NIPAL1: variants seen among roughly 807,000 people sequenced by gnomAD.
NIPAL1 encodes the protein magnesium transporter NIPA3.
NIPAL1 carries 35 observed loss-of-function variants against 37.7 expected under a neutral mutation model. The observed-to-expected ratio is 0.93, with a 90% confidence interval of 0.71 to 1.23. The LOEUF (loss-of-function observed/expected upper bound fraction) is 1.23, where lower values mean the gene tolerates loss of function less well. NIPAL1 is among the 50% of genes most tolerant of loss of function. The pLI is 0.00. For missense variants in NIPAL1, 412 were observed against 473.9 expected, an observed-to-expected ratio of 0.87 and a Z score of 1.21; for synonymous variants, 162 against 183.0, an observed-to-expected ratio of 0.89 and a Z score of 0.93.
At position 48,025,242 on chromosome 4, in the gene NIPAL1, T is replaced by C; in HGVS notation, c.221T>C (p.Leu74Pro). 1 of 1,614,174 alleles carries C rather than the reference T, an allele frequency of 6.2e-7. No homozygotes were observed. ...NKYSLYVGLV[L>P]AVSSSIFIGS... is the part of the protein sequence containing the mutation. ...TACAGTCTTTATGTGGGCTTGGTAC[T>C]GGCAGTAAGCTCAAGTATTTTTATT... Residue 74 changes from leucine (L) to proline (P), a missense_variant, in exon 2 of 6, where the codon CTG (leucine) becomes CCG (proline). By Grantham distance (98) the Leu-to-Pro change is moderately conservative. Coordinates refer to ENST00000295461, the MANE Select transcript of NIPAL1 (RefSeq NM_207330.3).
At position 48,035,783 on chromosome 4, in the gene NIPAL1, G is replaced by C; in HGVS notation, c.844G>C (p.Val282Leu). ...KHPLVFVLLA[V>L]LVLSVTTQIN... Reference sequence around the variant, plus strand: ...TCCGCTGGTCTTTGTTTTGCTGGCTGTACTTGTGCTTTCAGTAACTACACA... The same window carrying C: ...TCCGCTGGTCTTTGTTTTGCTGGCTCTACTTGTGCTTTCAGTAACTACACA... Residue 282 changes from valine (V) to leucine (L), a missense_variant, in exon 6 of 6, where the codon GTA becomes CTA. Transcript: ENST00000295461. The C allele has an allele frequency of 6.2e-7, 1 of 1,614,186 alleles. No individual in the cohort carries two copies. Among genetic ancestry groups the C allele is most frequent in the Non-Finnish European group, 8.5e-7 (1 of 1,180,018 alleles).
intron 3 of NIPAL1, among the ~76,000 whole-genome samples, chr4:48,032,472 G>A (rs558891119): frequency 2.6e-5 from 4 of 152,290 alleles, no homozygotes; most frequent in African/African-American, 7.2e-5. Context: ...CTGAGATACT[G>A]TTACTTGCTT....
rs1203882621 is a variant in NIPAL1 at position 48,035,930 on chromosome 4, G to A, written c.991G>A (p.Gly331Ser). 1.2e-6 allele frequency: 2 copies of A among 1,613,852 alleles called. No homozygotes were observed. The highest frequency in any genetic ancestry group is 8.5e-7 in the Non-Finnish European group (1 of 1,179,900). The change falls in exon 6 of 6, where the codon GGC becomes AGC. Residue 331 changes from glycine to serine, a missense_variant. Gly to Ser is a moderately conservative substitution (Grantham distance 56, BLOSUM62 0). Transcript: ENST00000295461. ...CSAILFQEWY[G>S]MTAGDIIGTL... ...TGCCATCTTATTCCAAGAGTGGTAT[G>A]GCATGACAGCTGGAGATATCATTGG...
intron 2 of NIPAL1, among the ~76,000 whole-genome samples, chr4:48,029,133 CT>C (rs1419531689): frequency 6.6e-5 from 10 of 152,294 alleles, no homozygotes; most frequent in Non-Finnish European, 1.3e-4. Context: ...GATCACACCA[CT>C]ATTCACAACA....
At chr4:48,035,089 C>T in intron 5 of NIPAL1, 48 bp downstream of exon 5, 1 of 1,448,300 alleles carries the variant, frequency 6.9e-7, no homozygotes, top group Non-Finnish European at 9.7e-7. Context: ...TCCACTTTCT[C>T]TCCTCACCAA....
intron 1 of NIPAL1, among the ~76,000 whole-genome samples, chr4:48,022,231 G>A (rs1197526926): frequency 1.3e-5 from 2 of 151,944 alleles, no homozygotes; most frequent in Non-Finnish European, 2.9e-5. Context: ...CCCTTCTCCC[G>A]TAGGCCACTC....
rs745305773 is a variant in NIPAL1, at chr4:48,034,878, C to T, written c.462-3C>T. Reference sequence around the variant, plus strand: ...TGATTTTTAATTTTTTCTCTCCCAACAGTGCAATATTATCTTCCTACTTTT... The same window carrying T: ...TGATTTTTAATTTTTTCTCTCCCAATAGTGCAATATTATCTTCCTACTTTT... On this transcript the variant is annotated splice_polypyrimidine_tract_variant and splice_region_variant and intron_variant, in intron 4 of 5. Transcript: ENST00000295461. The T allele has an allele frequency of 6.2e-7, 1 of 1,609,202 alleles. No homozygotes were observed. The highest frequency in any genetic ancestry group is 8.5e-7 in the Non-Finnish European group (1 of 1,176,724).
At chr4:48,035,186 T>A in intron 5 of NIPAL1, 145 bp downstream of exon 5, 4 of 718,864 alleles carry the variant, frequency 5.6e-6, no homozygotes, top group Non-Finnish European at 9.3e-6. Context: ...TGATTATTAT[T>A]TCTCCTGAAA....
rs1226878528 is a variant in NIPAL1 at position 48,034,979 on chromosome 4, A to G, written c.560A>G (p.His187Arg). The G allele has an allele frequency of 1.9e-6, 3 of 1,613,566 alleles. No homozygotes were observed. Among genetic ancestry groups the G allele is most frequent in the Non-Finnish European group, 2.5e-6 (3 of 1,179,560 alleles). ...TTGGGGTCAACTGTGATGGTTATCCATGCCCCACAAGAAGAGGAAGTCACA... is the reference window on the plus strand; with the variant it reads ...TTGGGGTCAACTGTGATGGTTATCCGTGCCCCACAAGAAGAGGAAGTCACA... The part of the protein sequence containing the change: ...SILGSTVMVI[H>R]APQEEEVTSL... The change falls in exon 5 of 6, where the codon CAT becomes CGT. Residue 187 changes from histidine (H) to arginine (R), a missense_variant. Physicochemically the swap from His to Arg is conservative, Grantham distance 29. Transcript: ENST00000295461.
intron 1 of NIPAL1, 52 bp from the exon 2 acceptor site, chr4:48,025,016 A>C: frequency 7.7e-5 from 119 of 1,536,374 alleles, no homozygotes; most frequent in Non-Finnish European, 1.0e-4. Context: ...GCCGGTAAGC[A>C]TTAATACCTC....
chr4:48,024,799 G>T lies in NIPAL1; in HGVS notation c.47-269G>T, dbSNP rs78685519. Among the ~76,000 whole-genome samples, 16,997 of 148,696 alleles carry T rather than the reference G, an allele frequency of 0.11. 1,274 individuals carry two copies. Among genetic ancestry groups the T allele is most frequent in the South Asian group, 0.28 (1,300 of 4,726 alleles). On this transcript the variant is annotated intron_variant, in intron 1 of 5. Transcript: ENST00000295461. ...CAGAACAAAGACATAAGTGTTCCCA[G>T]ATCGAATTTATAGGGGGAATCCAGG...
chr4:48,019,531 T>C (rs1315687745), intron 1 of NIPAL1, among the ~76,000 whole-genome samples: 1 of 152,158 alleles, frequency 6.6e-6, no homozygotes, highest in South Asian at 2.1e-4. Flanking sequence ...TGCTTAGTCC[T>C]CTCACTCAGA....
chr4:48,017,557 G>A (rs1342876393), intron 1 of NIPAL1, among the ~76,000 whole-genome samples: 1 of 152,218 alleles, frequency 6.6e-6, no homozygotes, highest in African/African-American at 2.4e-5. Flanking sequence ...TCGTTTGCAG[G>A]CTCTTCTTAC....
chr4:48,024,299 G>C (rs997794485), intron 1 of NIPAL1, among the ~76,000 whole-genome samples: 1 of 151,226 alleles, frequency 6.6e-6, no homozygotes, highest in Non-Finnish European at 1.5e-5. Context: ...TTTCTTTTTC[G>C]AGACAGGGTC....
At chr4:48,031,479 T>C (rs1228156117) in intron 3 of NIPAL1, among the ~76,000 whole-genome samples, 1 of 152,198 alleles carries the variant, frequency 6.6e-6, no homozygotes, top group Non-Finnish European at 1.5e-5. Context: ...TCTGTCTTAC[T>C]TGCATCTCCC....
chr4:48,039,849 T>A lies in NIPAL1; in HGVS notation c.*3677T>A, dbSNP rs1303959051. 1 of 152,242 alleles carries A rather than the reference T, an allele frequency of 6.6e-6. No homozygotes were observed. The highest frequency in any genetic ancestry group is 1.5e-5 in the Non-Finnish European group (1 of 68,036). 9.4% of individuals were successfully genotyped at this position (152,242 alleles called of 1,614,324 possible). A position where few individuals can be genotyped will look rare whatever the true frequency, so the allele number is the denominator to read the frequency against. ...TTGAGTGCCTATTTTTATACATTCA[T>A]CTTTTCTCAATTTGTCACATTATCT... On this transcript the variant is annotated 3_prime_UTR_variant, in exon 6 of 6. Coordinates refer to ENST00000295461, the MANE Select transcript of NIPAL1 (RefSeq NM_207330.3).
intron 1 of NIPAL1, among the ~76,000 whole-genome samples, chr4:48,020,004 A>G (rs1053973994): frequency 6.6e-6 from 1 of 152,182 alleles, no homozygotes; most frequent in African/African-American, 2.4e-5. Flanking sequence ...ACTACTTGCT[A>G]TGGCACTCTT....
Position 48,036,081 on chromosome 4 carries a change from A to G in NIPAL1, c.1142A>G (p.Asn381Ser), listed in dbSNP as rs73149642. 570 of 1,609,904 alleles carry G rather than the reference A, an allele frequency of 3.5e-4. No individual in the cohort carries two copies. The highest frequency in any genetic ancestry group is 1.4e-3 in the African/African-American group (105 of 74,578). The change falls in exon 6 of 6, where the codon AAT (asparagine) becomes AGT (serine). Residue 381 changes from asparagine to serine, a missense_variant. Asn to Ser is a conservative substitution (Grantham distance 46). Coordinates refer to ENST00000295461, the MANE Select transcript of NIPAL1 (RefSeq NM_207330.3). ...AAAGAAGCCGTCTCTCTGAATGTCA[A>G]TGAAAACAATTATGTTTTACTAGAG... The part of the protein sequence containing the change: ...AKKEAVSLNV[N>S]ENNYVLLENL...
At position 48,027,906 on chromosome 4, in the gene NIPAL1, C is replaced by G. The variant is rs1256973822; in HGVS notation, c.314-2214C>G. Among the ~76,000 whole-genome samples the G allele has an allele frequency of 6.6e-6, 1 of 152,152 alleles. No homozygotes were observed. The highest frequency in any genetic ancestry group is 1.5e-5 in the Non-Finnish European group (1 of 68,016). ...AGCTCTTATGTCAACCATCTTCTTCCCTTTACAGTCCTCATTACTACCAAT... is the reference window on the plus strand; with the variant it reads ...AGCTCTTATGTCAACCATCTTCTTCGCTTTACAGTCCTCATTACTACCAAT... On this transcript the variant is annotated intron_variant, in intron 2 of 5. Transcript: ENST00000295461. This position sits in a 1 kb window ranked among gnomAD's most constrained non-coding sequence, Gnocchi z 4.1.
Sources: gnomAD v4.1 joint callset for allele counts (sites outside exome capture counted in the v4.1 genomes callset) on GRCh38, gnomAD v4.1.1 for gene constraint, Gnocchi (gnomAD v3.1) non-coding constraint, MANE v1.5 for transcripts, NCBI Gene and HGNC (gene_info 2026-07-23, HGNC 2026-07-21) for gene names.